LRRK2: variants seen among roughly 807,000 people sequenced by gnomAD.
LRRK2 encodes the protein leucine-rich repeat serine/threonine-protein kinase 2.
In LRRK2, 203 loss-of-function variants were observed where a neutral mutation model predicts 302.6. That is an observed-to-expected ratio of 0.67 (90% confidence interval 0.60 to 0.75). The LOEUF is 0.75. Among genes scored for constraint, LRRK2 ranks in the 30% least tolerant of loss-of-function variants. LRRK2 has a pLI of 0.00. For missense variants in LRRK2, 2,830 were observed against 2,951.0 expected (o/e 0.96, Z 0.95); for synonymous variants, 1,066 against 1,031.9 (o/e 1.03, Z -0.63).
At position 40,294,755 on chromosome 12, in the gene LRRK2, C is replaced by T. The variant is rs1038099117; in HGVS notation, c.2809-90C>T. 1.3e-5 allele frequency: 9 copies of T among 717,290 alleles called. No individual in the cohort carries two copies. In the African/African-American group the frequency reaches 1.4e-4, roughly 11 times the overall value. 44.4% of individuals were successfully genotyped at this position (717,290 alleles called of 1,614,324 possible). A position where few individuals can be genotyped will look rare whatever the true frequency, so the allele number is the denominator to read the frequency against. On this transcript the variant is annotated intron_variant, in intron 21 of 50. Coordinates refer to ENST00000298910, the MANE Select transcript of LRRK2 (RefSeq NM_198578.4). ...TTCCCATAATTATAAATACCATTAA[C>T]CCTATTAAAATTTCATGGTTCCTTC...
chr12:40,348,292 A>G, intron 42 of LRRK2, 117 bp from the exon 43 acceptor site: 2 of 688,914 alleles, frequency 2.9e-6, no homozygotes, highest in South Asian at 1.9e-5. Context: ...ACATAAATAT[A>G]GGATTATGGA....
intron 3 of LRRK2, 125 bp downstream of exon 3, chr12:40,232,508 A>G: frequency 1.3e-6 from 1 of 745,372 alleles, no homozygotes. Context: ...AAATACAGAT[A>G]TTTTTCCTTG....
At chr12:40,285,844 CTAA>C (rs1186445427) in intron 19 of LRRK2, among the ~76,000 whole-genome samples, 1 of 151,916 alleles carries the variant, frequency 6.6e-6, no homozygotes, top group Non-Finnish European at 1.5e-5. Flanking sequence ...TTTTACTATG[CTAA>C]TGTTGATGAA....
chr12:40,361,298 G>C (rs2137036160), intron 47 of LRRK2, among the ~76,000 whole-genome samples: 1 of 152,096 alleles, frequency 6.6e-6, no homozygotes, highest in Middle Eastern at 3.4e-3. Context: ...TTCTCATTCT[G>C]TAATACCCAC....
chr12:40,313,675 G>C (rs551040031), intron 31 of LRRK2, among the ~76,000 whole-genome samples: 2 of 147,316 alleles, frequency 1.4e-5, no homozygotes, highest in African/African-American at 4.9e-5. Context: ...TTTATGGTTA[G>C]TGATTTATCT....
At chr12:40,306,727 G>A (rs996458234) in intron 28 of LRRK2, among the ~76,000 whole-genome samples, 1 of 152,060 alleles carries the variant, frequency 6.6e-6, no homozygotes, top group Non-Finnish European at 1.5e-5. Context: ...CACAGTGCCT[G>A]GCATACAATT....
At position 40,323,145 on chromosome 12, in the gene LRRK2, T is replaced by C. The variant is rs201607801; in HGVS notation, c.5510-15T>C. 9.9e-6 allele frequency: 16 copies of C among 1,608,590 alleles called. No homozygotes were observed. Among genetic ancestry groups the C allele is most frequent in the Non-Finnish European group, 1.4e-5 (16 of 1,175,676 alleles). The stretch of plus-strand genomic sequence containing the variant: ...AATGTTGTTTTTATTTAAAAAATGT[T>C]TTATTACTTCTCAGGAGATCTCTTA... On this transcript the variant is annotated splice_polypyrimidine_tract_variant and intron_variant, in intron 37 of 50. Transcript: ENST00000298910.
chr12:40,261,910 C>T lies in LRRK2; in HGVS notation c.1544-1879C>T, dbSNP rs536867295. 1.3e-3 allele frequency among the ~76,000 whole-genome samples: 200 copies of T among 152,174 alleles called. 2 individuals are homozygous for T. Among genetic ancestry groups the T allele is most frequent in the African/African-American group, 4.6e-3 (192 of 41,550 alleles). Reference sequence around the variant, plus strand: ...AATCTATTACTGTACTTTTTCTCTTCTACTTTATAATAACTTGTTATATAG... The same window carrying T: ...AATCTATTACTGTACTTTTTCTCTTTTACTTTATAATAACTTGTTATATAG... On this transcript the variant is annotated intron_variant, in intron 13 of 50. Transcript: ENST00000298910.
chr12:40,288,302 T>C lies in LRRK2; in HGVS notation c.2689+763T>C, dbSNP rs112017033. ...AAAATGCATTCACTTTAAGTATATA[T>C]TTTCATGCGCTTTGAAAATTAACAT... On this transcript the variant is annotated intron_variant, in intron 20 of 50. Coordinates refer to ENST00000298910, the MANE Select transcript of LRRK2 (RefSeq NM_198578.4). Among the ~76,000 whole-genome samples the C allele has an allele frequency of 7.9e-5, 12 of 152,010 alleles. 1 individual carries two copies. The highest frequency in any genetic ancestry group is 2.6e-4 in the African/African-American group (11 of 41,552).
At chr12:40,348,337 A>G (rs1946257156) in intron 42 of LRRK2, 72 bp from the exon 43 acceptor site, 1 of 1,055,558 alleles carries the variant, frequency 9.5e-7, no homozygotes, top group Non-Finnish European at 1.5e-6. Flanking sequence ...TGGACCTTTT[A>G]TAAACATTGA....
chr12:40,351,542 T>C lies in LRRK2; in HGVS notation c.6385T>C (p.Phe2129Leu), dbSNP rs1946353495. The change falls in exon 44 of 51, where the codon TTT becomes CTT. Residue 2129 changes from phenylalanine to leucine, a missense_variant. This residue lies in a region of LRRK2 where 253 missense variants were observed against 346.7 expected (regional missense o/e 0.73). Coordinates refer to ENST00000298910, the MANE Select transcript of LRRK2 (RefSeq NM_198578.4). ...PQERPTSAQV[F>L]DILNSAELVC... is the part of the protein sequence containing the mutation. ...TGTTATCTTTAAACTTTCTCAGGTCTTTGACATTTTGAATTCAGCTGAATT... is the reference window on the plus strand; with the variant it reads ...TGTTATCTTTAAACTTTCTCAGGTCCTTGACATTTTGAATTCAGCTGAATT... 1 of 1,614,044 alleles carries C rather than the reference T, an allele frequency of 6.2e-7. No homozygotes were observed. The highest frequency in any genetic ancestry group is 8.5e-7 in the Non-Finnish European group (1 of 1,180,000).
chr12:40,279,400 C>A (rs1475318337), intron 18 of LRRK2, among the ~76,000 whole-genome samples: 2 of 151,788 alleles, frequency 1.3e-5, no homozygotes, highest in African/African-American at 4.8e-5. Context: ...ATCACATAAA[C>A]AATCTAATTA....
chr12:40,294,608 T>C (rs1263088557), intron 21 of LRRK2, among the ~76,000 whole-genome samples: 1 of 152,092 alleles, frequency 6.6e-6, no homozygotes, highest in Non-Finnish European at 1.5e-5. Context: ...TTTCTGTTTT[T>C]CAGTTTCCTT....
At chr12:40,330,966 T>C (rs1336653849) in intron 39 of LRRK2, among the ~76,000 whole-genome samples, 1 of 152,198 alleles carries the variant, frequency 6.6e-6, no homozygotes, top group Non-Finnish European at 1.5e-5. Flanking sequence ...TTCCATCCCC[T>C]CTGGTTGTTC....
chr12:40,337,801 T>G (rs547498859), intron 40 of LRRK2, among the ~76,000 whole-genome samples: 1 of 152,314 alleles, frequency 6.6e-6, no homozygotes, highest in Admixed American at 6.5e-5. Flanking sequence ...TGCTTCCCTT[T>G]GCGGCCCCTG....
At chr12:40,340,839 GA>G (rs1393155415) in intron 41 of LRRK2, among the ~76,000 whole-genome samples, 2 of 152,134 alleles carry the variant, frequency 1.3e-5, no homozygotes, top group African/African-American at 4.8e-5. Flanking sequence ...TCATAATTCT[GA>G]AACCCAAAGA....
At chr12:40,298,936 C>G (rs1944515417) in intron 24 of LRRK2, among the ~76,000 whole-genome samples, 173 bp from the exon 25 acceptor site, 1 of 129,828 alleles carries the variant, frequency 7.7e-6, no homozygotes, top group African/African-American at 3.0e-5. Context: ...TAATAAAAGA[C>G]CGAGGCAATG....
rs575420654 is a variant in LRRK2 at position 40,353,790 on chromosome 12, C to T, written c.6577-509C>T. On this transcript the variant is annotated intron_variant, in intron 44 of 50. Coordinates refer to ENST00000298910, the MANE Select transcript of LRRK2 (RefSeq NM_198578.4). Reference sequence around the variant, plus strand: ...CGCGGTTAGGAGCTGGAGACCAGCCCGGCCAACACAGCGAAACCCCGTCTC... The same window carrying T: ...CGCGGTTAGGAGCTGGAGACCAGCCTGGCCAACACAGCGAAACCCCGTCTC... Among the ~76,000 whole-genome samples, 10 of 152,342 alleles carry T rather than the reference C, an allele frequency of 6.6e-5. No individual in the cohort carries two copies. The South Asian group carries it at 1.0e-3, about 16-fold the overall frequency.
At chr12:40,257,936 G>A (rs1358981554) in intron 12 of LRRK2, among the ~76,000 whole-genome samples, 1 of 151,210 alleles carries the variant, frequency 6.6e-6, no homozygotes, top group African/African-American at 2.4e-5. Flanking sequence ...GTGGGATGAG[G>A]TGGGGGTGAG....
Sources: gnomAD v4.1 joint callset for allele counts (sites outside exome capture counted in the v4.1 genomes callset) on GRCh38, gnomAD v4.1.1 for gene constraint, gnomAD v4.1.1 regional missense constraint, MANE v1.5 for transcripts, NCBI Gene and HGNC (gene_info 2026-07-23, HGNC 2026-07-21) for gene names.